The following CIB4 variants were observed in gnomAD, a reference collection of about 807,000 sequenced individuals.
The protein encoded by CIB4 is calcium and integrin binding family member 4, also known as calcium and integrin-binding family member 4.
A neutral mutation model predicts 25.8 loss-of-function variants in CIB4; 25 were observed. That is an observed-to-expected ratio of 0.97 (90% CI 0.71 to 1.35). The LOEUF is 1.35. Among genes scored for constraint, CIB4 ranks in the 40% most tolerant of loss-of-function variants. CIB4 has a pLI of 0.00. For synonymous variants in CIB4, 75 were observed against 81.4 expected (o/e 0.92, Z 0.42); for missense variants, 235 against 228.2 (o/e 1.03, Z -0.19).
chr2:26,606,731 G>T (rs1283814592), intron 3 of CIB4, among the ~76,000 whole-genome samples: 1 of 152,124 alleles, frequency 6.6e-6, no homozygotes, highest in Non-Finnish European at 1.5e-5. Context: ...ATTGTCCGGG[G>T]CCCTGGAGGC....
chr2:26,617,304 G>A (rs1004331860), intron 3 of CIB4, among the ~76,000 whole-genome samples: 5 of 152,248 alleles, frequency 3.3e-5, no homozygotes, highest in African/African-American at 7.2e-5. Flanking sequence ...AATTGAGGGC[G>A]AGATGAGGAG....
chr2:26,604,925 A>G (rs1286623537), intron 3 of CIB4, among the ~76,000 whole-genome samples: 1 of 152,224 alleles, frequency 6.6e-6, no homozygotes, highest in Non-Finnish European at 1.5e-5. Flanking sequence ...AATCAACGGG[A>G]CCCAATTGAT....
Position 26,605,493 on chromosome 2 carries a change from T to C in CIB4, c.187-10176A>G, listed in dbSNP as rs1343832769. On this transcript the variant is annotated intron_variant, in intron 3 of 6. Transcript: ENST00000288861. ...GGACGCCACAGGTAGATGAAGTTGCTGGACTCACCTGCGAACAGGGGAGTG... is the reference window on the plus strand; with the variant it reads ...GGACGCCACAGGTAGATGAAGTTGCCGGACTCACCTGCGAACAGGGGAGTG... 7 of 470,886 alleles carry C rather than the reference T, an allele frequency of 1.5e-5. No individual in the cohort carries two copies. The East Asian group carries it at 4.9e-4, about 33-fold the overall frequency. 29.2% of individuals were successfully genotyped at this position (470,886 alleles called of 1,614,324 possible).
chr2:26,637,082 G>T (rs62129519), intron 2 of CIB4, among the ~76,000 whole-genome samples: 1 of 152,086 alleles, frequency 6.6e-6, no homozygotes, highest in Non-Finnish European at 1.5e-5. Flanking sequence ...CTGAGTCAGG[G>T]GCCTGTCTGG....
At chr2:26,610,070 G>A (rs778722870) in intron 3 of CIB4, among the ~76,000 whole-genome samples, 1 of 152,144 alleles carries the variant, frequency 6.6e-6, no homozygotes, top group Non-Finnish European at 1.5e-5. Flanking sequence ...GTGCCTCCAC[G>A]ACCCTCCTGG....
intron 4 of CIB4, among the ~76,000 whole-genome samples, chr2:26,585,185 G>A (rs1375452975): frequency 1.3e-5 from 2 of 152,042 alleles, no homozygotes; most frequent in African/African-American, 4.8e-5. Flanking sequence ...TGGAGGGACG[G>A]TGGGTGGAGG....
chr2:26,636,727 T>C (rs549538974), intron 2 of CIB4, among the ~76,000 whole-genome samples: 42 of 152,350 alleles, frequency 2.8e-4, no homozygotes, highest in African/African-American at 9.9e-4. Context: ...AAAGTATTGT[T>C]ATCCTGCCCT....
intron 3 of CIB4, among the ~76,000 whole-genome samples, chr2:26,616,502 TG>T (rs1669095408): frequency 6.6e-6 from 1 of 152,058 alleles, no homozygotes; most frequent in East Asian, 1.9e-4. Flanking sequence ...GCACTAAAGG[TG>T]GGGCCTGGCT....
intron 2 of CIB4, among the ~76,000 whole-genome samples, chr2:26,637,507 C>T (rs72857999): frequency 6.6e-6 from 1 of 151,990 alleles, no homozygotes; most frequent in Non-Finnish European, 1.5e-5. Context: ...CTATTCTCCA[C>T]GTAACTGGAA....
At chr2:26,639,307 A>T (rs1401111723) in intron 2 of CIB4, among the ~76,000 whole-genome samples, 5 of 151,824 alleles carry the variant, frequency 3.3e-5, no homozygotes, top group African/African-American at 1.2e-4. Flanking sequence ...TCAACCTGTC[A>T]TCTACATTAG....
At chr2:26,606,196 A>G (rs1668886985) in intron 3 of CIB4, among the ~76,000 whole-genome samples, 1 of 152,248 alleles carries the variant, frequency 6.6e-6, no homozygotes, top group Non-Finnish European at 1.5e-5. Context: ...AAAATGATGC[A>G]GACGCTGCCA....
In CIB4 at chr2:26,581,290, C is replaced by T; in HGVS notation, c.*73G>A. The T allele has an allele frequency of 1.6e-6, 2 of 1,265,592 alleles. No homozygotes were observed. Among genetic ancestry groups the T allele is most frequent in the Non-Finnish European group, 2.3e-6 (2 of 863,098 alleles). The allele number at this position is 1,265,592 out of a possible 1,614,324, so 78.4% of individuals were successfully genotyped here. On this transcript the variant is annotated 3_prime_UTR_variant, in exon 7 of 7. Coordinates refer to ENST00000288861, the MANE Select transcript of CIB4 (RefSeq NM_001029881.3). ...TACAAAGTCATACTTCAAACCAGCT[C>T]CCTCCAGTGCTGGAGGGGGTTCGAT...
At chr2:26,624,920 G>A (rs1451103829) in intron 3 of CIB4, among the ~76,000 whole-genome samples, 1 of 151,874 alleles carries the variant, frequency 6.6e-6, no homozygotes, top group Non-Finnish European at 1.5e-5. Context: ...GAGGGTAATT[G>A]GATTATTTGT....
intron 3 of CIB4, among the ~76,000 whole-genome samples, chr2:26,601,583 G>A (rs186378277): frequency 6.6e-5 from 10 of 151,676 alleles, no homozygotes; most frequent in African/African-American, 2.2e-4. Flanking sequence ...AACTATCACA[G>A]GAGGATATCT....
At chr2:26,624,510 A>G (rs1405096540) in intron 3 of CIB4, among the ~76,000 whole-genome samples, 1 of 152,178 alleles carries the variant, frequency 6.6e-6, no homozygotes, top group Non-Finnish European at 1.5e-5. Context: ...AACGGAGAAC[A>G]ATACGGACAA....
intron 3 of CIB4, among the ~76,000 whole-genome samples, chr2:26,598,090 A>T (rs1454502120): frequency 6.6e-6 from 1 of 152,076 alleles, no homozygotes; most frequent in Non-Finnish European, 1.5e-5. Flanking sequence ...TCCTGAGGTC[A>T]GGAGTTCGAG....
Position 26,634,134 on chromosome 2 carries a change from G to A in CIB4, c.90-4628C>T, listed in dbSNP as rs143232111. 5.1e-3 allele frequency among the ~76,000 whole-genome samples: 778 copies of A among 152,234 alleles called. 5 individuals are homozygous for A. The highest frequency in any genetic ancestry group is 0.018 in the African/African-American group (729 of 41,530). On this transcript the variant is annotated intron_variant, in intron 2 of 6. Coordinates refer to ENST00000288861, the MANE Select transcript of CIB4 (RefSeq NM_001029881.3). ...CTCATTCAAGGCCAGGATAGAGCCC[G>A]AGGCACCTACAGGTTCTACAAGCTT...
intron 2 of CIB4, among the ~76,000 whole-genome samples, chr2:26,632,050 CCTATCTGGAT>C (rs113090144): frequency 0.021 from 3,247 of 152,292 alleles, 110 homozygotes; most frequent in African/African-American, 0.075. Context: ...TGCTCACAGA[CCTATCTGGAT>C]CTATCTGGAT....
chr2:26,608,533 C>G (rs1668936322), intron 3 of CIB4, among the ~76,000 whole-genome samples: 1 of 152,202 alleles, frequency 6.6e-6, no homozygotes, highest in Non-Finnish European at 1.5e-5. Context: ...ACTACATCCA[C>G]TAAATGACCT....
Sources: gnomAD v4.1 joint callset for allele counts (sites outside exome capture counted in the v4.1 genomes callset) on GRCh38, gnomAD v4.1.1 for gene constraint, MANE v1.5 for transcripts, NCBI Gene and HGNC (gene_info 2026-07-23, HGNC 2026-07-21) for gene names.